Variants in FARS2 observed in about 807,000 individuals in gnomAD.
FARS2 encodes phenylalanyl-tRNA synthetase 2, mitochondrial.
In FARS2, 40 loss-of-function variants were observed where a neutral mutation model predicts 46.4. The observed-to-expected ratio is 0.86, with a 90% CI of 0.67 to 1.12. FARS2 has a LOEUF of 1.12. Ranked by LOEUF, FARS2 falls within the 50% of genes most tolerant of loss-of-function variation. The probability of loss-of-function intolerance (pLI) is 0.00; values close to 1 mark genes in which losing one functional copy is unlikely to be tolerated. For missense variants in FARS2, 513 were observed against 567.9 expected (o/e 0.90, Z 0.98); for synonymous variants, 234 against 214.9 (o/e 1.09, Z -0.78).
chr6:5,318,129 G>A (rs185226130), intron 1 of FARS2, among the ~76,000 whole-genome samples: 1 of 152,240 alleles, frequency 6.6e-6, no homozygotes, highest in African/African-American at 2.4e-5. Flanking sequence ...GGGAGGCCAA[G>A]GCGGGAGGAT....
chr6:5,483,643 G>A (rs2150347237), intron 4 of FARS2, among the ~76,000 whole-genome samples: 1 of 151,844 alleles, frequency 6.6e-6, no homozygotes, highest in East Asian at 1.9e-4. Flanking sequence ...CTCCAGCCTG[G>A]GTGACAGAGT....
intron 6 of FARS2, among the ~76,000 whole-genome samples, chr6:5,707,596 T>C (rs1271703616): frequency 6.6e-6 from 1 of 152,230 alleles, no homozygotes; most frequent in African/African-American, 2.4e-5. Context: ...CCCTCTCATT[T>C]CACATTTTCC....
At chr6:5,638,792 G>A (rs557815439) in intron 6 of FARS2, among the ~76,000 whole-genome samples, 5 of 152,278 alleles carry the variant, frequency 3.3e-5, no homozygotes, top group African/African-American at 1.2e-4. Flanking sequence ...TTCCTCGCGC[G>A]AGAGAATCTG....
intron 4 of FARS2, among the ~76,000 whole-genome samples, chr6:5,458,725 G>A (rs1654892257): frequency 1.3e-5 from 2 of 152,064 alleles, no homozygotes; most frequent in Admixed American, 1.3e-4. Context: ...AGAATGGCAG[G>A]GAGTAAAGGA....
chr6:5,458,601 C>T (rs1371566303), intron 4 of FARS2, among the ~76,000 whole-genome samples: 1 of 152,136 alleles, frequency 6.6e-6, no homozygotes, highest in East Asian at 1.9e-4. Context: ...GTTATATAAT[C>T]CACCTCATAC....
intron 6 of FARS2, among the ~76,000 whole-genome samples, chr6:5,642,403 T>G (rs1776864898): frequency 6.6e-6 from 1 of 152,226 alleles, no homozygotes. Flanking sequence ...CTAAGCTTTC[T>G]GATTGCTTGG....
intron 6 of FARS2, among the ~76,000 whole-genome samples, chr6:5,749,222 G>C (rs372457122): frequency 5.3e-5 from 8 of 152,226 alleles, no homozygotes; most frequent in Admixed American, 1.3e-4. Context: ...CCAAGAACAC[G>C]CCAAAGGGCT....
chr6:5,281,063 C>T (rs1231809524), intron 1 of FARS2, among the ~76,000 whole-genome samples: 1 of 152,110 alleles, frequency 6.6e-6, no homozygotes, highest in Non-Finnish European at 1.5e-5. Context: ...ACTTTGTACT[C>T]GAGTCTTCCA....
intron 6 of FARS2, among the ~76,000 whole-genome samples, chr6:5,700,614 T>G (rs1355676841): frequency 6.6e-6 from 1 of 152,106 alleles, no homozygotes; most frequent in Non-Finnish European, 1.5e-5. Context: ...GCCAGGCTGG[T>G]CTCGAACTCC....
intron 3 of FARS2, among the ~76,000 whole-genome samples, chr6:5,424,310 T>G (rs1322850431): frequency 6.6e-6 from 1 of 152,216 alleles, no homozygotes; most frequent in African/African-American, 2.4e-5. Context: ...ATTAAAATCA[T>G]AAAAGCATTT....
intron 6 of FARS2, among the ~76,000 whole-genome samples, chr6:5,732,095 C>T (rs1305056406): frequency 6.6e-6 from 1 of 152,168 alleles, no homozygotes; most frequent in Non-Finnish European, 1.5e-5. Context: ...TGTGAGTGTC[C>T]TTTCTTGTTG....
intron 5 of FARS2, among the ~76,000 whole-genome samples, chr6:5,611,892 C>T (rs752905697): frequency 2.6e-5 from 4 of 152,144 alleles, no homozygotes; most frequent in Non-Finnish European, 4.4e-5. Flanking sequence ...GAGGAGATTC[C>T]ATGCTAATTC....
At chr6:5,339,806 A>G (rs2127590019) in intron 1 of FARS2, among the ~76,000 whole-genome samples, 1 of 152,306 alleles carries the variant, frequency 6.6e-6, no homozygotes, top group Middle Eastern at 3.4e-3. Flanking sequence ...TAAATGAAGA[A>G]GTACATTAAT....
intron 2 of FARS2, among the ~76,000 whole-genome samples, chr6:5,389,477 T>C (rs1476511150): frequency 6.6e-6 from 1 of 152,220 alleles, no homozygotes; most frequent in Non-Finnish European, 1.5e-5. Flanking sequence ...GCAAGATTTT[T>C]CTATTAGCAT....
intron 4 of FARS2, among the ~76,000 whole-genome samples, chr6:5,490,724 G>C (rs13214980): frequency 1.3e-5 from 2 of 152,166 alleles, no homozygotes; most frequent in African/African-American, 4.8e-5. Context: ...CTTTGTTGGG[G>C]AAGCCAGGTG....
chr6:5,385,924 T>A (rs1193733537), intron 2 of FARS2, among the ~76,000 whole-genome samples: 1 of 152,044 alleles, frequency 6.6e-6, no homozygotes, highest in African/African-American at 2.4e-5. Flanking sequence ...TAGTGACAGG[T>A]TTTGGTTGAA....
chr6:5,734,233 G>A (rs1157194721), intron 6 of FARS2, among the ~76,000 whole-genome samples: 2 of 152,172 alleles, frequency 1.3e-5, no homozygotes, highest in Admixed American at 6.5e-5. Flanking sequence ...CCTGCCCCCC[G>A]CAGACCAGCA....
At chr6:5,741,612 C>T (rs1761346963) in intron 6 of FARS2, among the ~76,000 whole-genome samples, 1 of 152,212 alleles carries the variant, frequency 6.6e-6, no homozygotes, top group African/African-American at 2.4e-5. Flanking sequence ...ACAACAGCCT[C>T]CTGGCCTGGC....
intron 3 of FARS2, among the ~76,000 whole-genome samples, chr6:5,429,505 G>A (rs75634802): frequency 0.023 from 3,463 of 152,230 alleles, 71 homozygotes; most frequent in Non-Finnish European, 0.031. Flanking sequence ...TGTTTTAACT[G>A]TCAAGAGCTG....
Sources: allele counts gnomAD v4.1 joint callset (sites outside exome capture counted in the v4.1 genomes callset), GRCh38; gene constraint gnomAD v4.1.1; transcripts MANE v1.5; gene names NCBI Gene and HGNC (gene_info 2026-07-23, HGNC 2026-07-21).